Variants in KCNH7 observed in about 807,000 individuals in gnomAD.
KCNH7 encodes the protein potassium voltage-gated channel subfamily H member 7.
Under a neutral mutation model 120.8 loss-of-function variants are expected in KCNH7, and 49 were observed. That is an observed-to-expected ratio of 0.41 (90% CI 0.32 to 0.51). The LOEUF is 0.51. KCNH7 is among the 20% of genes least tolerant of loss of function. KCNH7 has a pLI of 0.38. For missense variants in KCNH7, 1,097 were observed against 1,446.6 expected (o/e 0.76, Z 3.92); for synonymous variants, 547 against 516.1 (o/e 1.06, Z -0.81).
intron 2 of KCNH7, among the ~76,000 whole-genome samples, chr2:162,567,688 C>T (rs1457836510): frequency 1.3e-5 from 2 of 151,898 alleles, no homozygotes; most frequent in African/African-American, 4.8e-5. Flanking sequence ...AGAATAGTGC[C>T]TGGCACACAG....
intron 2 of KCNH7, among the ~76,000 whole-genome samples, chr2:162,766,335 C>A (rs1188740138): frequency 9.2e-5 from 14 of 152,088 alleles, no homozygotes; most frequent in Admixed American, 9.2e-4. Context: ...GCAAACAAAA[C>A]AAAAATCCAA....
chr2:162,564,921 T>A (rs551605250), intron 2 of KCNH7, among the ~76,000 whole-genome samples: 1 of 152,286 alleles, frequency 6.6e-6, no homozygotes, highest in East Asian at 1.9e-4. Flanking sequence ...AAAATAACTC[T>A]AATGTTGGGC....
At chr2:162,386,847 T>C (rs1364850303) in intron 12 of KCNH7, among the ~76,000 whole-genome samples, 2 of 151,810 alleles carry the variant, frequency 1.3e-5, no homozygotes, top group African/African-American at 4.8e-5. Flanking sequence ...CTTAGTTTAC[T>C]AACTTTGGCT....
chr2:162,785,717 G>C (rs1683675954), intron 2 of KCNH7, among the ~76,000 whole-genome samples: 2 of 151,912 alleles, frequency 1.3e-5, no homozygotes, highest in African/African-American at 4.8e-5. Context: ...TTTTTTGTTT[G>C]TTTGCAGTTG....
rs141812961 is a variant in KCNH7 at position 162,404,234 on chromosome 2, T to C, written c.2155-3793A>G. On this transcript the variant is annotated intron_variant, in intron 9 of 15. Transcript: ENST00000332142. ...TCTTGACTGTCCATGCTTGAAGTTTTGAAGGAACATATCACCTTCCACTGT... is the reference window on the plus strand; with the variant it reads ...TCTTGACTGTCCATGCTTGAAGTTTCGAAGGAACATATCACCTTCCACTGT... 2.6e-5 allele frequency among the ~76,000 whole-genome samples: 4 copies of C among 152,128 alleles called. No homozygotes were observed. In the East Asian group the frequency reaches 7.8e-4, roughly 30 times the overall value.
chr2:162,377,265 A>C (rs77629186), intron 14 of KCNH7, among the ~76,000 whole-genome samples: 113 of 129,014 alleles, frequency 8.8e-4, no homozygotes, highest in African/African-American at 3.9e-3. Flanking sequence ...CCAAACGAGC[A>C]AAAAAAAAAA....
chr2:162,506,728 T>G (rs983777224), intron 5 of KCNH7, among the ~76,000 whole-genome samples: 9 of 151,912 alleles, frequency 5.9e-5, no homozygotes, highest in African/African-American at 9.6e-5. Context: ...TCTACAATGT[T>G]AATAGACAGA....
chr2:162,710,126 C>A (rs958225465), intron 2 of KCNH7, among the ~76,000 whole-genome samples: 8 of 152,116 alleles, frequency 5.3e-5, no homozygotes, highest in Non-Finnish European at 8.8e-5. Flanking sequence ...GTTAAAATAG[C>A]TTTGCTCCAT....
intron 2 of KCNH7, among the ~76,000 whole-genome samples, chr2:162,833,610 C>A (rs1685552645): frequency 6.6e-6 from 1 of 152,044 alleles, no homozygotes; most frequent in Non-Finnish European, 1.5e-5. Context: ...CTGCAAATAA[C>A]TAGGTTTTTA....
chr2:162,555,288 C>A (rs1041598867), intron 2 of KCNH7, among the ~76,000 whole-genome samples: 1 of 152,190 alleles, frequency 6.6e-6, no homozygotes, highest in Non-Finnish European at 1.5e-5. Flanking sequence ...AACCTCTCTA[C>A]CACTATTAGT....
At chr2:162,616,581 G>T (rs1005315560) in intron 2 of KCNH7, among the ~76,000 whole-genome samples, 1 of 152,018 alleles carries the variant, frequency 6.6e-6, no homozygotes, top group South Asian at 2.1e-4. Flanking sequence ...TTCCTGCACC[G>T]TCAACTGTCC....
intron 2 of KCNH7, among the ~76,000 whole-genome samples, chr2:162,768,755 T>C (rs563957208): frequency 6.6e-6 from 1 of 151,108 alleles, no homozygotes; most frequent in Non-Finnish European, 1.5e-5. Flanking sequence ...ATGCAGGCTG[T>C]AGTGTTTACT....
chr2:162,429,383 C>CTTTTTTTTTTTTTTTTTTTT lies in KCNH7; in HGVS notation c.1954+5795_1954+5814dup, dbSNP rs60854157. On this transcript the variant is annotated intron_variant, in intron 8 of 15. Coordinates refer to ENST00000332142, the MANE Select transcript of KCNH7 (RefSeq NM_033272.4). The stretch of plus-strand genomic sequence containing the variant: ...AGACATTTAGAAATGAGGAAAAAGT[C>CTTTTTTTTTTTTTTTTTTTT]TTTTTTTTTTTTTTTTTTTTTTACT... Among the ~76,000 whole-genome samples, 45 of 86,242 alleles carry CTTTTTTTTTTTTTTTTTTTT rather than the reference C, an allele frequency of 5.2e-4. 8 individuals are homozygous for CTTTTTTTTTTTTTTTTTTTT. Among genetic ancestry groups the CTTTTTTTTTTTTTTTTTTTT allele is most frequent in the African/African-American group, 1.9e-3 (31 of 15,976 alleles). 56.6% of individuals were successfully genotyped at this position (86,242 alleles called of 152,430 possible).
At chr2:162,440,987 T>A (rs1257006255) in intron 7 of KCNH7, among the ~76,000 whole-genome samples, 3 of 152,126 alleles carry the variant, frequency 2.0e-5, no homozygotes, top group Admixed American at 2.0e-4. Context: ...TAGCAAAATG[T>A]AGACAATCAA....
chr2:162,651,290 T>C (rs1684556764), intron 2 of KCNH7, among the ~76,000 whole-genome samples: 1 of 152,192 alleles, frequency 6.6e-6, no homozygotes, highest in Admixed American at 6.5e-5. Flanking sequence ...TGGGGGTTTC[T>C]GGTACAAATT....
intron 2 of KCNH7, among the ~76,000 whole-genome samples, chr2:162,567,871 T>A (rs1057325434): frequency 3.3e-5 from 5 of 152,018 alleles, no homozygotes; most frequent in Admixed American, 6.6e-5. Context: ...AAGATTATAA[T>A]ACCATATTTT....
At chr2:162,547,252 G>GTC (rs1271347456) in intron 2 of KCNH7, among the ~76,000 whole-genome samples, 12 of 152,066 alleles carry the variant, frequency 7.9e-5, no homozygotes, top group African/African-American at 2.9e-4. Flanking sequence ...TTCCCACCAG[G>GTC]TCTCTCTCTG....
intron 2 of KCNH7, among the ~76,000 whole-genome samples, chr2:162,662,591 G>A (rs1046429888): frequency 6.6e-6 from 1 of 152,166 alleles, no homozygotes; most frequent in Admixed American, 6.5e-5. Context: ...CTATTTCAGA[G>A]TCTTTGCACA....
chr2:162,590,191 T>G (rs562273743), intron 2 of KCNH7, among the ~76,000 whole-genome samples: 2 of 152,132 alleles, frequency 1.3e-5, no homozygotes, highest in African/African-American at 4.8e-5. Flanking sequence ...GAAATACACC[T>G]GAAAATAGTT....
Sources: allele counts gnomAD v4.1 joint callset (sites outside exome capture counted in the v4.1 genomes callset), GRCh38; gene constraint gnomAD v4.1.1; transcripts MANE v1.5; gene names NCBI Gene and HGNC (gene_info 2026-07-23, HGNC 2026-07-21).